Variants in CNGA3 observed in about 807,000 individuals in gnomAD.
CNGA3 encodes cyclic nucleotide-gated channel alpha-3.
A neutral mutation model predicts 46.6 loss-of-function variants in CNGA3; 42 were observed. The observed-to-expected ratio is 0.90, with a 90% CI of 0.70 to 1.17. The LOEUF is 1.17. Ranked by LOEUF, CNGA3 falls within the 50% of genes most tolerant of loss-of-function variation. The pLI, the probability that CNGA3 is intolerant of heterozygous loss-of-function variation, is 0.00. For synonymous variants in CNGA3, 394 were observed against 369.4 expected, an observed-to-expected ratio of 1.07 and a Z score of -0.76; for missense variants, 893 against 890.7, an observed-to-expected ratio of 1.00 and a Z score of -0.03.
chr2:98,376,551 C>T (rs1692410426), intron 2 of CNGA3, among the ~76,000 whole-genome samples: 1 of 152,080 alleles, frequency 6.6e-6, no homozygotes, highest in African/African-American at 2.4e-5. Flanking sequence ...AGTGAGCTCC[C>T]TGTTGCTGGA....
At chr2:98,384,718 A>G (rs929567188) in intron 5 of CNGA3, among the ~76,000 whole-genome samples, 2 of 152,204 alleles carry the variant, frequency 1.3e-5, no homozygotes, top group African/African-American at 4.8e-5. Context: ...ACGGCTCCAG[A>G]TACTGAAACC....
intron 7 of CNGA3, among the ~76,000 whole-genome samples, chr2:98,393,504 G>A (rs1298040794): frequency 6.6e-6 from 1 of 152,164 alleles, no homozygotes; most frequent in Admixed American, 6.5e-5. Context: ...CTTCCACACT[G>A]GTGCCTAGCG....
intron 2 of CNGA3, among the ~76,000 whole-genome samples, chr2:98,375,118 G>C (rs1187765794): frequency 6.6e-6 from 1 of 152,178 alleles, no homozygotes; most frequent in Admixed American, 6.5e-5. Flanking sequence ...AACAGCTCTC[G>C]CTGCTGCTGG....
Position 98,372,895 on chromosome 2 carries a change from C to T in CNGA3, c.101+2819C>T, listed in dbSNP as rs186212117. ...TGACCACCAGCCGAGGCTTACTGAA[C>T]TCCACTCAGGTCTCGGCCCCACCCT... On this transcript the variant is annotated intron_variant, in intron 2 of 7. Coordinates refer to ENST00000272602, the MANE Select transcript of CNGA3 (RefSeq NM_001298.3). 1.7e-3 allele frequency among the ~76,000 whole-genome samples: 261 copies of T among 152,308 alleles called. 2 individuals are homozygous for T. Among genetic ancestry groups the T allele is most frequent in the African/African-American group, 5.7e-3 (237 of 41,568 alleles).
chr2:98,367,081 A>T (rs1692171151), intron 1 of CNGA3, among the ~76,000 whole-genome samples: 1 of 151,498 alleles, frequency 6.6e-6, no homozygotes, highest in Admixed American at 6.6e-5. Context: ...AGTCAGTCCC[A>T]CTGAGAGAAC....
intron 1 of CNGA3, among the ~76,000 whole-genome samples, chr2:98,354,571 G>A (rs922400420): frequency 1.3e-5 from 2 of 152,168 alleles, no homozygotes; most frequent in African/African-American, 4.8e-5. Context: ...GATCGCTTGA[G>A]CCTAGGAGTT....
chr2:98,383,551 C>A, intron 5 of CNGA3, 110 bp downstream of exon 5: 1 of 999,326 alleles, frequency 1.0e-6, no homozygotes, highest in Non-Finnish European at 1.6e-6. Flanking sequence ...ACTCCCAGAG[C>A]ACCAGTAGAA....
intron 1 of CNGA3, among the ~76,000 whole-genome samples, chr2:98,368,675 A>G (rs1169338579): frequency 4.6e-5 from 7 of 152,256 alleles, no homozygotes; most frequent in Admixed American, 3.9e-4. Context: ...TAATTCACAC[A>G]GAGCTGGCTG....
At chr2:98,370,423 A>C (rs1034130178) in intron 2 of CNGA3, among the ~76,000 whole-genome samples, 1 of 152,154 alleles carries the variant, frequency 6.6e-6, no homozygotes, top group Non-Finnish European at 1.5e-5. Context: ...AATGTGTTGG[A>C]CTCTTGCTGT....
intron 1 of CNGA3, among the ~76,000 whole-genome samples, chr2:98,369,012 C>A (rs1048300749): frequency 6.6e-6 from 1 of 152,210 alleles, no homozygotes; most frequent in East Asian, 1.9e-4. Context: ...GCGAATCTTA[C>A]GACCTCTGGA....
Position 98,391,773 on chromosome 2 carries a change from C to T in CNGA3, c.567-91C>T, listed in dbSNP as rs928168608. 3.1e-5 allele frequency: 37 copies of T among 1,191,174 alleles called. 1 individual carries two copies. Among genetic ancestry groups the T allele is most frequent in the South Asian group, 1.8e-4 (15 of 81,282 alleles). The allele number at this position is 1,191,174 out of a possible 1,614,324, so 73.8% of individuals were successfully genotyped here. ...GCCATTCCCATATTACATGATCCAG[C>T]GTCTTCCACACAGAGCCCGTGCCCA... On this transcript the variant is annotated intron_variant, in intron 6 of 7. Transcript: ENST00000272602.
At chr2:98,378,050 T>C in intron 3 of CNGA3, 2 of 1,549,430 alleles carry the variant, frequency 1.3e-6, no homozygotes, top group Non-Finnish European at 1.7e-6. Context: ...ATTGAGGTAC[T>C]TGCTCAGGTT....
At chr2:98,388,082 A>G (rs1692694013) in intron 5 of CNGA3, among the ~76,000 whole-genome samples, 1 of 152,188 alleles carries the variant, frequency 6.6e-6, no homozygotes. Context: ...CAGGAATAAT[A>G]ATAACAAATC....
At chr2:98,375,288 C>T (rs1408126393) in intron 2 of CNGA3, among the ~76,000 whole-genome samples, 4 of 152,202 alleles carry the variant, frequency 2.6e-5, no homozygotes, top group Non-Finnish European at 5.9e-5. Context: ...AACGCTGGGC[C>T]GACTGCTTGG....
Position 98,378,220 on chromosome 2 carries a change from CAGGT to C in CNGA3, c.215+425_215+428del, listed in dbSNP as rs200192688. The C allele has an allele frequency of 1.6e-3, 2,472 of 1,545,354 alleles. 40 individuals are homozygous for C. The African/African-American group carries it at 0.031, about 19-fold the overall frequency. On this transcript the variant is annotated intron_variant, in intron 3 of 7. Coordinates refer to ENST00000272602, the MANE Select transcript of CNGA3 (RefSeq NM_001298.3). Reference sequence around the variant, plus strand: ...CCGGGTGCTCGTCTGGACCCCAGGGCAGGTAGGTGTCCTTGCAAAAGCATTTGTT... The same window carrying C: ...CCGGGTGCTCGTCTGGACCCCAGGGCAGGTGTCCTTGCAAAAGCATTTGTT...
chr2:98,362,851 G>C (rs113654520), intron 1 of CNGA3, among the ~76,000 whole-genome samples: 29,180 of 152,144 alleles, frequency 0.19, 3,200 homozygotes, highest in Non-Finnish European at 0.26. Context: ...AAGGGGTCCA[G>C]TTTCAATTTT....
intron 5 of CNGA3, among the ~76,000 whole-genome samples, chr2:98,388,591 A>G (rs1399624061): frequency 3.9e-5 from 6 of 152,230 alleles, no homozygotes; most frequent in Non-Finnish European, 7.3e-5. Flanking sequence ...AGGGGGGCTT[A>G]TAAGTAAAGA....
At chr2:98,357,788 T>C (rs568066401) in intron 1 of CNGA3, among the ~76,000 whole-genome samples, 93 of 152,352 alleles carry the variant, frequency 6.1e-4, no homozygotes, top group African/African-American at 2.1e-3. Context: ...AAACCACTCC[T>C]AGACTCACGC....
chr2:98,384,574 C>G (rs1692612270), intron 5 of CNGA3, among the ~76,000 whole-genome samples: 1 of 152,164 alleles, frequency 6.6e-6, no homozygotes, highest in Non-Finnish European at 1.5e-5. Flanking sequence ...TCCAGAGACC[C>G]AAATGCCAGC....
Sources: allele counts gnomAD v4.1 joint callset (sites outside exome capture counted in the v4.1 genomes callset), GRCh38; gene constraint gnomAD v4.1.1; transcripts MANE v1.5; gene names NCBI Gene and HGNC (gene_info 2026-07-23, HGNC 2026-07-21).